The following CD53 variants were observed in gnomAD, a reference collection of about 807,000 sequenced individuals.
The protein encoded by CD53 is CD53 molecule.
CD53 carries 20 observed loss-of-function variants against 27.3 expected under a neutral mutation model. The observed-to-expected ratio is 0.73, with a 90% CI of 0.52 to 1.07. The LOEUF (loss-of-function observed/expected upper bound fraction) is 1.07. Among genes scored for constraint, CD53 ranks in the 50% least tolerant of loss-of-function variants. The pLI is 0.00. For missense variants in CD53, 216 were observed against 264.0 expected (o/e 0.82, Z 1.26); for synonymous variants, 106 against 105.3 (o/e 1.01, Z -0.04).
intron 6 of CD53, among the ~76,000 whole-genome samples, chr1:110,897,505 G>A (rs1450755078): frequency 1.3e-5 from 2 of 152,182 alleles, no homozygotes; most frequent in African/African-American, 4.8e-5. Context: ...AGCACTGAGT[G>A]TTCAAAGACA....
chr1:110,882,486 G>A (rs1294155153), intron 1 of CD53, among the ~76,000 whole-genome samples: 1 of 151,910 alleles, frequency 6.6e-6, no homozygotes, highest in Non-Finnish European at 1.5e-5. Flanking sequence ...TTTATAGAAA[G>A]CAATATAATT....
At chr1:110,883,930 C>T (rs1265070624) in intron 1 of CD53, among the ~76,000 whole-genome samples, 1 of 151,728 alleles carries the variant, frequency 6.6e-6, no homozygotes, top group Non-Finnish European at 1.5e-5. Flanking sequence ...AAATTGATTA[C>T]CTGTGTATAA....
intron 2 of CD53, 44 bp downstream of exon 2, chr1:110,891,515 A>G (rs562848107): frequency 6.8e-7 from 1 of 1,469,160 alleles, no homozygotes; most frequent in South Asian, 1.1e-5. Flanking sequence ...ACCTTTACCC[A>G]GCTAAGCTCT....
intron 1 of CD53, among the ~76,000 whole-genome samples, chr1:110,879,535 A>G (rs1656267263): frequency 6.6e-6 from 1 of 152,168 alleles, no homozygotes; most frequent in African/African-American, 2.4e-5. Context: ...AGTGCACATT[A>G]GCATATAACA....
chr1:110,894,086 G>A (rs1656961845), intron 3 of CD53, among the ~76,000 whole-genome samples: 1 of 152,242 alleles, frequency 6.6e-6, no homozygotes, highest in African/African-American at 2.4e-5. Flanking sequence ...TATGCATGTA[G>A]TGCTCTGATA....
At chr1:110,872,690 G>A (rs1382346886), upstream of CD53, among the ~76,000 whole-genome samples, 2 of 152,136 alleles carry the variant, frequency 1.3e-5, no homozygotes, top group South Asian at 2.1e-4. Flanking sequence ...ATGAGGAGGG[G>A]GCAGAGAATC....
Position 110,886,869 on chromosome 1 carries a change from A to ATATATATATTTT in CD53, c.-17-4522_-17-4521insATATATATTTTT, listed in dbSNP as rs1298376721. 4.1e-3 allele frequency among the ~76,000 whole-genome samples: 342 copies of ATATATATATTTT among 82,726 alleles called. 1 individual carries two copies. Among genetic ancestry groups the ATATATATATTTT allele is most frequent in the Middle Eastern group, 6.4e-3 (1 of 156 alleles). 54.3% of individuals were successfully genotyped at this position (82,726 alleles called of 152,430 possible). ...CCAATATATATATATATATATATAT[A>ATATATATATTTT]TTTTTTTTTTCTGTCTGTGTTTCTT... On this transcript the variant is annotated intron_variant, in intron 1 of 7. Transcript: ENST00000271324.
intron 1 of CD53, among the ~76,000 whole-genome samples, chr1:110,879,941 T>C (rs1334429458): frequency 6.6e-6 from 1 of 152,138 alleles, no homozygotes; most frequent in South Asian, 2.1e-4. Flanking sequence ...GTAGATTACA[T>C]GGTGCTGTTA....
At chr1:110,892,568 G>A (rs746004203) in intron 3 of CD53, 35 bp downstream of exon 3, 19 of 1,540,080 alleles carry the variant, frequency 1.2e-5, no homozygotes, top group Middle Eastern at 2.0e-4. Context: ...GCCCCAAGTC[G>A]GGGAGATGGT....
intron 6 of CD53, 189 bp from the exon 7 acceptor site, chr1:110,897,620 A>C: frequency 4.2e-6 from 2 of 479,872 alleles, no homozygotes; most frequent in South Asian, 5.8e-5. Context: ...ACACCACCAG[A>C]AAAGTCTGTA....
At position 110,899,399 on chromosome 1, in the gene CD53, C is replaced by T. The variant is rs1046605067; in HGVS notation, c.*204C>T. On this transcript the variant is annotated 3_prime_UTR_variant, in exon 8 of 8. Transcript: ENST00000271324. ...AGCAAGACAATCTTTCACTCACTGA[C>T]GGCAGCAGCCATGTCTCTCAAAGTG... is the stretch of plus-strand genomic sequence containing the variant. The T allele has an allele frequency of 2.2e-5, 11 of 495,354 alleles. No individual in the cohort carries two copies. In the Admixed American group the frequency reaches 2.6e-4, roughly 12 times the overall value. 30.7% of individuals were successfully genotyped at this position (495,354 alleles called of 1,614,324 possible).
At chr1:110,895,544 C>G (rs976434962) in intron 5 of CD53, among the ~76,000 whole-genome samples, 1 of 152,038 alleles carries the variant, frequency 6.6e-6, no homozygotes, top group African/African-American at 2.4e-5. Context: ...AAAGATGGAG[C>G]CTTGCACCAG....
chr1:110,897,036 G>A (rs1004359718), intron 6 of CD53, among the ~76,000 whole-genome samples: 1 of 152,182 alleles, frequency 6.6e-6, no homozygotes, highest in Non-Finnish European at 1.5e-5. Context: ...GCAAGAAGTA[G>A]GTCTCCTTAT....
chr1:110,896,621 A>C, intron 5 of CD53, 32 bp from the exon 6 acceptor site: 1 of 1,602,832 alleles, frequency 6.2e-7, no homozygotes, highest in Non-Finnish European at 8.5e-7. Flanking sequence ...TTGACTTTCT[A>C]ACCATCATCA....
Position 110,894,989 on chromosome 1 carries a change from C to G in CD53, c.357C>G (p.Thr119=). ...ATGAGTATGTGGCTAAGGGTCTGAC[C>G]GACAGCATCCACCGTTACCACTCAG... ...KLNEYVAKGL[T]DSIHRYHSDN... is the part of the protein sequence containing the mutation. Residue 119 remains threonine (T), a synonymous_variant, in exon 5 of 8, where the codon ACC becomes ACG. Transcript: ENST00000271324. 1.2e-6 allele frequency: 2 copies of G among 1,613,912 alleles called. No individual in the cohort carries two copies. Among genetic ancestry groups the G allele is most frequent in the Non-Finnish European group, 1.7e-6 (2 of 1,179,910 alleles).
chr1:110,894,851 A>T (rs1656994749), intron 4 of CD53, 109 bp from the exon 5 acceptor site: 1 of 795,560 alleles, frequency 1.3e-6, no homozygotes, highest in Non-Finnish European at 2.2e-6. Flanking sequence ...TGAGGAGACC[A>T]TTTGGAAGGG....
intron 7 of CD53, among the ~76,000 whole-genome samples, chr1:110,898,183 C>G (rs970474336): frequency 3.3e-5 from 5 of 152,026 alleles, no homozygotes; most frequent in East Asian, 1.9e-4. Flanking sequence ...CAAGACCATC[C>G]TGGCTAACAT....
upstream of CD53, among the ~76,000 whole-genome samples, chr1:110,871,558 G>T (rs1203865945): frequency 6.6e-6 from 1 of 152,110 alleles, no homozygotes; most frequent in East Asian, 1.9e-4. Context: ...GGAGCTCAAA[G>T]GAGAGATCAT....
rs1032320685 is a variant in CD53 at position 110,877,368 on chromosome 1, G to C, written c.-18+4120G>C. ...GCATAGCCAGCCTGCAGACACCATG[G>C]ACAGGCCTCTAGCCGAGGGACCCCG... On this transcript the variant is annotated intron_variant, in intron 1 of 7. Coordinates refer to ENST00000271324, the MANE Select transcript of CD53 (RefSeq NM_000560.4). 6.3e-4 allele frequency among the ~76,000 whole-genome samples: 96 copies of C among 152,264 alleles called. 1 individual carries two copies. Among genetic ancestry groups the C allele is most frequent in the Non-Finnish European group, 1.2e-3 (79 of 68,012 alleles).
Sources: allele counts gnomAD v4.1 joint callset (sites outside exome capture counted in the v4.1 genomes callset), GRCh38; gene constraint gnomAD v4.1.1; transcripts MANE v1.5; gene names NCBI Gene and HGNC (gene_info 2026-07-23, HGNC 2026-07-21).